CDC20B: variants seen among roughly 807,000 people sequenced by gnomAD.
The protein encoded by CDC20B is cell division cycle protein 20 homolog B.
Under a neutral mutation model 64.1 loss-of-function variants are expected in CDC20B, and 58 were observed. The observed-to-expected ratio is 0.90, with a 90% CI of 0.73 to 1.13. CDC20B has a LOEUF of 1.13. Among genes scored for constraint, CDC20B ranks in the 50% most tolerant of loss-of-function variants. The pLI, the probability that CDC20B is intolerant of heterozygous loss-of-function variation, is 0.00. For missense variants in CDC20B, 597 were observed against 633.0 expected, an observed-to-expected ratio of 0.94 and a Z score of 0.61; for synonymous variants, 243 against 230.6, an observed-to-expected ratio of 1.05 and a Z score of -0.49.
intron 2 of CDC20B, among the ~76,000 whole-genome samples, chr5:55,151,090 A>G (rs1205747102): frequency 6.6e-6 from 1 of 152,160 alleles, no homozygotes. Flanking sequence ...CTCCGCTAAG[A>G]AAAAAACCGC....
intron 2 of CDC20B, chr5:55,170,390 A>G (rs1561099042): frequency 2.3e-5 from 8 of 350,606 alleles, no homozygotes; most frequent in South Asian, 1.9e-4. Flanking sequence ...TTTCCTTACC[A>G]TTATAAAACT....
At chr5:55,147,416 T>C (rs983854754) in intron 2 of CDC20B, among the ~76,000 whole-genome samples, 4 of 138,998 alleles carry the variant, frequency 2.9e-5, no homozygotes, top group East Asian at 2.1e-4. Flanking sequence ...ATATGTTATA[T>C]TTTATATATT....
chr5:55,137,609 C>T (rs552687944), intron 5 of CDC20B: 7 of 456,684 alleles, frequency 1.5e-5, no homozygotes, highest in African/African-American at 4.0e-5. Flanking sequence ...CTGTTCAAAT[C>T]GTTTCTTCAT....
At chr5:55,143,900 G>T (rs752722569) in intron 3 of CDC20B, among the ~76,000 whole-genome samples, 1 of 151,694 alleles carries the variant, frequency 6.6e-6, no homozygotes, top group East Asian at 1.9e-4. Context: ...TGAGAAAGCT[G>T]TCTCAGTGGC....
intron 5 of CDC20B, among the ~76,000 whole-genome samples, chr5:55,138,348 A>G (rs1743241100): frequency 6.6e-6 from 1 of 152,028 alleles, no homozygotes; most frequent in South Asian, 2.1e-4. Context: ...TTTACTAGAG[A>G]TGGGGTCTCA....
chr5:55,113,904 T>C lies in CDC20B; in HGVS notation c.*314A>G, dbSNP rs866016852. Reference sequence around the variant, plus strand: ...GGAGAAAAGTCATACGGGAAAGAAGTAGAAATCTTTGCTATAGATGTTATT... The same window carrying C: ...GGAGAAAAGTCATACGGGAAAGAAGCAGAAATCTTTGCTATAGATGTTATT... On this transcript the variant is annotated 3_prime_UTR_variant, in exon 12 of 12. Coordinates refer to ENST00000381375, the MANE Select transcript of CDC20B (RefSeq NM_001170402.1). The C allele has an allele frequency of 2.9e-4, 64 of 220,376 alleles. No homozygotes were observed. The highest frequency in any genetic ancestry group is 1.4e-3 in the African/African-American group (60 of 43,218). The allele number at this position is 220,376 out of a possible 1,614,324, so 13.7% of individuals were successfully genotyped here.
chr5:55,168,950 C>T (rs1744502357), intron 2 of CDC20B, among the ~76,000 whole-genome samples: 1 of 152,122 alleles, frequency 6.6e-6, no homozygotes, highest in South Asian at 2.1e-4. Flanking sequence ...AACAAACCTG[C>T]ACATGTACCC....
At chr5:55,161,187 C>T (rs1264341641) in intron 2 of CDC20B, 1 of 1,614,034 alleles carries the variant, frequency 6.2e-7, no homozygotes, top group Admixed American at 1.7e-5. Context: ...TACGGAGTAA[C>T]TTTCCCCATC....
chr5:55,140,004 G>A (rs180937602), intron 5 of CDC20B, among the ~76,000 whole-genome samples: 61 of 152,156 alleles, frequency 4.0e-4, no homozygotes, highest in Middle Eastern at 3.4e-3. Flanking sequence ...TCCAGCCTGA[G>A]CAACACCAAA....
chr5:55,126,463 T>C (rs112881078), intron 8 of CDC20B: 3,565 of 131,562 alleles, frequency 0.027, 69 homozygotes, highest in Non-Finnish European at 0.034. Flanking sequence ...TGAGATTCCA[T>C]GTCAAAAAAA....
chr5:55,146,824 G>A lies in CDC20B; in HGVS notation c.159C>T (p.Asp53=). 1 of 1,614,106 alleles carries A rather than the reference G, an allele frequency of 6.2e-7. No homozygotes were observed. The highest frequency in any genetic ancestry group is 1.1e-5 in the South Asian group (1 of 91,076). ...GCCTCTTCGCAAAGTTGCTCTTAAA[G>A]TCAGAATACGTAGCATTAACTGAAT... ...VLDSVNATYS[D]FKSNFAKRLS... Residue 53 remains aspartate (D), a synonymous_variant, in exon 3 of 12, where the codon GAC becomes GAT. Coordinates refer to ENST00000381375, the MANE Select transcript of CDC20B (RefSeq NM_001170402.1).
intron 9 of CDC20B, among the ~76,000 whole-genome samples, chr5:55,121,808 C>T (rs999616462): frequency 2.6e-5 from 4 of 152,162 alleles, no homozygotes; most frequent in African/African-American, 4.8e-5. Flanking sequence ...TTCTTCTTAG[C>T]AAGAATGAAC....
intron 6 of CDC20B, among the ~76,000 whole-genome samples, chr5:55,130,188 C>T (rs1051814983): frequency 2.0e-5 from 3 of 151,920 alleles, no homozygotes; most frequent in African/African-American, 7.2e-5. Context: ...AAATGGAAAT[C>T]AAATATACAA....
chr5:55,128,515 A>C lies in CDC20B; in HGVS notation c.800T>G (p.Ile267Arg). Residue 267 changes from isoleucine to arginine, a missense_variant, in exon 7 of 12, where the codon ATA becomes AGA. Ile to Arg is a moderately conservative substitution (Grantham distance 97). Around this residue, in one of 3 missense-constraint regions of CDC20B, gnomAD observed 353 missense variants for 397.0 expected, o/e 0.89. Transcript: ENST00000381375. The part of the protein sequence containing the change: ...NGENHNGIEN[I>R]DLSLTCNYIS... The stretch of plus-strand genomic sequence containing the variant: ...ATAGTTACAAGTGAGACTTAAGTCT[A>C]TGTTTTCAATCCCATTGTGGTTCTC... 1 of 1,612,120 alleles carries C rather than the reference A, an allele frequency of 6.2e-7. No homozygotes were observed. The highest frequency in any genetic ancestry group is 8.5e-7 in the Non-Finnish European group (1 of 1,179,602).
Position 55,173,087 on chromosome 5 carries a change from C to T in CDC20B, c.-87G>A, listed in dbSNP as rs1010646179. ...TCCCAGGTCTAAGTCAGTCTTGACG[C>T]CTAATCGTCAAACCCCTGGAGTCCC... On this transcript the variant is annotated 5_prime_UTR_variant, in exon 1 of 12. Coordinates refer to ENST00000381375, the MANE Select transcript of CDC20B (RefSeq NM_001170402.1). 19 of 1,233,864 alleles carry T rather than the reference C, an allele frequency of 1.5e-5. No homozygotes were observed. In the East Asian group the frequency reaches 4.8e-4, roughly 31 times the overall value. 76.4% of individuals were successfully genotyped at this position (1,233,864 alleles called of 1,614,324 possible).
intron 2 of CDC20B, among the ~76,000 whole-genome samples, chr5:55,161,641 T>C (rs1419550822): frequency 6.6e-6 from 1 of 152,258 alleles, no homozygotes; most frequent in Admixed American, 6.5e-5. Context: ...TGGGCATTAT[T>C]AGTTAACATA....
intron 2 of CDC20B, chr5:55,161,199 T>TC (rs1187498771): frequency 6.2e-7 from 1 of 1,614,064 alleles, no homozygotes; most frequent in African/African-American, 1.3e-5. Context: ...TTCCCCATCT[T>TC]CCACAAGATT....
Position 55,140,418 on chromosome 5 carries a change from A to G in CDC20B, c.487-11T>C, listed in dbSNP as rs568944488. 5.1e-6 allele frequency: 8 copies of G among 1,576,898 alleles called. No homozygotes were observed. In the East Asian group the frequency reaches 1.8e-4, roughly 35 times the overall value. On this transcript the variant is annotated splice_polypyrimidine_tract_variant and intron_variant, in intron 4 of 11. Coordinates refer to ENST00000381375, the MANE Select transcript of CDC20B (RefSeq NM_001170402.1). ...TTGTTTTAGGCATTTCTGAAAATAA[A>G]CACACATAAGGAGAATATTTCTTTA...
rs1744052990 is a variant in CDC20B, at chr5:55,161,365, A to T, written c.126+11223T>A. On this transcript the variant is annotated intron_variant, in intron 2 of 11. Coordinates refer to ENST00000381375, the MANE Select transcript of CDC20B (RefSeq NM_001170402.1). ...TGAAACGTTGTATCGGGAAAGCTTC[A>T]TAAAACTATCATCAAAGAGCCAGAA... The T allele has an allele frequency of 2.8e-6, 3 of 1,066,570 alleles. No individual in the cohort carries two copies. The African/African-American group carries it at 4.7e-5, about 17-fold the overall frequency. The allele number at this position is 1,066,570 out of a possible 1,614,324, so 66.1% of individuals were successfully genotyped here.
Sources: gnomAD v4.1 joint callset for allele counts (sites outside exome capture counted in the v4.1 genomes callset) on GRCh38, gnomAD v4.1.1 for gene constraint, gnomAD v4.1.1 regional missense constraint, MANE v1.5 for transcripts, NCBI Gene and HGNC (gene_info 2026-07-23, HGNC 2026-07-21) for gene names.